The following PDE3B variants were observed in gnomAD, a reference collection of about 807,000 sequenced individuals.
PDE3B encodes the protein phosphodiesterase 3B, also known as cGMP-inhibited 3',5'-cyclic phosphodiesterase 3B.
PDE3B carries 66 observed loss-of-function variants against 116.8 expected under a neutral mutation model. The observed-to-expected ratio is 0.56, with a 90% confidence interval of 0.46 to 0.69. The LOEUF is 0.69. Among genes scored for constraint, PDE3B ranks in the 30% least tolerant of loss-of-function variants. The pLI is 0.00. For missense variants in PDE3B, 1,384 were observed against 1,368.1 expected (o/e 1.01, Z -0.18); for synonymous variants, 595 against 533.6 (o/e 1.12, Z -1.59).
the PDE3B span, chr11:14,891,445 CTCAG>C: frequency 1.0e-6 from 1 of 985,906 alleles, no homozygotes; most frequent in Non-Finnish European, 1.2e-6. Flanking sequence ...GGGCCCGCTT[CTCAG>C]TCAGGGGCGT....
chr11:14,764,037 T>C (rs1190777846), intron 1 of PDE3B, among the ~76,000 whole-genome samples: 4 of 152,098 alleles, frequency 2.6e-5, no homozygotes. Context: ...AGTTAAGGAA[T>C]GGGCAAGATA....
chr11:14,891,551 T>G, the PDE3B span: 1 of 1,026,924 alleles, frequency 9.7e-7, no homozygotes, highest in Non-Finnish European at 1.2e-6. Flanking sequence ...CATCTAGAAC[T>G]CAGAACGCCT....
chr11:14,849,475 A>G (rs1202772829), intron 12 of PDE3B, among the ~76,000 whole-genome samples: 11 of 152,228 alleles, frequency 7.2e-5, no homozygotes, highest in Non-Finnish European at 8.8e-5. Flanking sequence ...ACAAAAGCCA[A>G]AATTGACAAA....
At chr11:14,872,982 T>G (rs568697525), downstream of PDE3B, among the ~76,000 whole-genome samples, 1 of 152,280 alleles carries the variant, frequency 6.6e-6, no homozygotes, top group Admixed American at 6.5e-5. Context: ...TTCCTGCACC[T>G]AGGCCCCAGT....
chr11:14,861,522 T>C (rs1279472469), intron 14 of PDE3B, among the ~76,000 whole-genome samples, 156 bp downstream of exon 14: 1 of 152,192 alleles, frequency 6.6e-6, no homozygotes, highest in East Asian at 1.9e-4. Flanking sequence ...TCTTAGTATT[T>C]TCTGTGTTCT....
At chr11:14,779,735 C>T (rs1295401805) in intron 2 of PDE3B, among the ~76,000 whole-genome samples, 3 of 152,114 alleles carry the variant, frequency 2.0e-5, no homozygotes, top group Admixed American at 6.6e-5. Context: ...TAAAGACCAT[C>T]GATGCTAGGA....
At chr11:14,842,672 G>A (rs1175281748) in intron 11 of PDE3B, among the ~76,000 whole-genome samples, 5 of 152,044 alleles carry the variant, frequency 3.3e-5, no homozygotes, top group African/African-American at 7.2e-5. Context: ...GGAATTAGAG[G>A]GTGTAGCGTA....
At chr11:14,887,983 T>A in the PDE3B span, among the ~76,000 whole-genome samples, 27 of 152,246 alleles carry the variant, frequency 1.8e-4, no homozygotes, top group Admixed American at 1.3e-4. Flanking sequence ...TGGCATTCTC[T>A]TGCTTTATGG....
chr11:14,886,834 G>C, the PDE3B span: 1 of 152,286 alleles, frequency 6.6e-6, no homozygotes, highest in Non-Finnish European at 1.5e-5. Context: ...AAGAAAACAG[G>C]AGGCTTAGCA....
chr11:14,845,230 G>A (rs922086396), intron 12 of PDE3B, among the ~76,000 whole-genome samples: 6 of 152,142 alleles, frequency 3.9e-5, no homozygotes, highest in African/African-American at 1.4e-4. Flanking sequence ...GGCAAACAGG[G>A]TCTGGAGTGC....
At chr11:14,716,456 C>T (rs1238713080) in intron 1 of PDE3B, among the ~76,000 whole-genome samples, 8 of 151,384 alleles carry the variant, frequency 5.3e-5, no homozygotes, top group African/African-American at 1.5e-4. Flanking sequence ...TAGGCTCCAC[C>T]TCTGGGGGCA....
intron 1 of PDE3B, among the ~76,000 whole-genome samples, chr11:14,645,819 T>C (rs1022945575): frequency 3.3e-5 from 5 of 152,180 alleles, no homozygotes. Flanking sequence ...TGAGTTTACA[T>C]CTTTATATAG....
intron 1 of PDE3B, among the ~76,000 whole-genome samples, chr11:14,721,788 G>C (rs1856101155): frequency 1.7e-5 from 1 of 58,088 alleles, no homozygotes; most frequent in Non-Finnish European, 3.2e-5. Flanking sequence ...GGTGGGGGCA[G>C]GGGGGAGGGG....
intron 2 of PDE3B, among the ~76,000 whole-genome samples, chr11:14,778,349 G>A (rs1156507557): frequency 6.6e-6 from 1 of 152,236 alleles, no homozygotes; most frequent in Non-Finnish European, 1.5e-5. Context: ...TGAGATCTAA[G>A]AATGGACAGA....
chr11:14,785,002 C>G (rs1264938345), intron 2 of PDE3B, among the ~76,000 whole-genome samples: 3 of 151,998 alleles, frequency 2.0e-5, no homozygotes, highest in Non-Finnish European at 2.9e-5. Context: ...TCACAATAAT[C>G]AGAGAATTCA....
chr11:14,861,418 C>CACT (rs1847948504), intron 14 of PDE3B, 52 bp downstream of exon 14: 1 of 1,523,536 alleles, frequency 6.6e-7, no homozygotes, highest in African/African-American at 1.4e-5. Context: ...CATGAGAAGA[C>CACT]ACTACTCTTT....
At chr11:14,880,435 C>T in the PDE3B span, 3 of 1,613,378 alleles carry the variant, frequency 1.9e-6, no homozygotes, top group East Asian at 2.2e-5. Context: ...GATGCCAATC[C>T]ATGGAAAGGC....
At chr11:14,717,587 C>T (rs1450787110) in intron 1 of PDE3B, among the ~76,000 whole-genome samples, 1 of 82,042 alleles carries the variant, frequency 1.2e-5, no homozygotes, top group Admixed American at 1.4e-4. Flanking sequence ...AGAAACCCTA[C>T]AAGCCAGAAG....
intron 15 of PDE3B, 33 bp downstream of exon 15, chr11:14,867,791 T>C (rs1194068747): frequency 6.4e-7 from 1 of 1,551,650 alleles, no homozygotes; most frequent in African/African-American, 1.4e-5. Flanking sequence ...ATTTATTTAA[T>C]GTTATAGGTT....
Sources: allele counts gnomAD v4.1 joint callset (sites outside exome capture counted in the v4.1 genomes callset), GRCh38; gene constraint gnomAD v4.1.1; transcripts MANE v1.5; gene names NCBI Gene and HGNC (gene_info 2026-07-23, HGNC 2026-07-21).